MEF2A: variants seen among roughly 807,000 people sequenced by gnomAD.
The protein encoded by MEF2A is myocyte enhancer factor 2A, also known as myocyte-specific enhancer factor 2A.
In MEF2A, 28 loss-of-function variants were observed where a neutral mutation model predicts 55.8. That is an observed-to-expected ratio of 0.50 (90% CI 0.37 to 0.69). MEF2A has a LOEUF of 0.69. MEF2A is among the 30% of genes least tolerant of loss of function. The pLI is 0.00. For missense variants in MEF2A, 528 were observed against 626.2 expected (o/e 0.84, Z 1.67); for synonymous variants, 239 against 227.1 (o/e 1.05, Z -0.47).
chr15:99,590,983 T>A (rs1476644418), intron 1 of MEF2A, among the ~76,000 whole-genome samples: 1 of 152,198 alleles, frequency 6.6e-6, no homozygotes, highest in Non-Finnish European at 1.5e-5. Context: ...AGAGCAGTTT[T>A]AGCTTTACAG....
chr15:99,602,695 T>TGTGTGTGTGTAGGGGTGGG (rs1973622445), intron 2 of MEF2A, among the ~76,000 whole-genome samples: 2 of 89,688 alleles, frequency 2.2e-5, no homozygotes, highest in Non-Finnish European at 4.2e-5. Context: ...TGTGTGTGTG[T>TGTGTGTGTGTAGGGGTGGG]GTGTAGGGGT....
intron 2 of MEF2A, among the ~76,000 whole-genome samples, chr15:99,605,498 A>G (rs1486488801): frequency 6.6e-6 from 1 of 152,210 alleles, no homozygotes; most frequent in Non-Finnish European, 1.5e-5. Flanking sequence ...CAAGCTACCA[A>G]CAATGTTGAA....
intron 4 of MEF2A, among the ~76,000 whole-genome samples, chr15:99,663,907 T>C (rs991668826): frequency 1.3e-5 from 2 of 152,316 alleles, no homozygotes; most frequent in African/African-American, 4.8e-5. Context: ...GAGAGGCAGA[T>C]GTACAGGGTC....
At chr15:99,688,442 T>C (rs898845105) in intron 7 of MEF2A, among the ~76,000 whole-genome samples, 6 of 152,176 alleles carry the variant, frequency 3.9e-5, no homozygotes, top group Non-Finnish European at 8.8e-5. Flanking sequence ...ATTCTGGCCT[T>C]CTTCTGAGTC....
intron 8 of MEF2A, among the ~76,000 whole-genome samples, chr15:99,694,052 A>G (rs141344819): frequency 6.6e-6 from 1 of 152,292 alleles, no homozygotes; most frequent in East Asian, 1.9e-4. Flanking sequence ...CTTATTTTTA[A>G]CCTTGTGTCT....
chr15:99,698,505 C>T (rs539227180), intron 8 of MEF2A, among the ~76,000 whole-genome samples: 3 of 151,952 alleles, frequency 2.0e-5, no homozygotes, highest in Admixed American at 6.6e-5. Flanking sequence ...TTTAAGAAAA[C>T]GCAACGGCTG....
intron 9 of MEF2A, among the ~76,000 whole-genome samples, chr15:99,704,069 A>G (rs1481571455): frequency 2.6e-5 from 4 of 152,222 alleles, no homozygotes; most frequent in African/African-American, 9.6e-5. Flanking sequence ...ACTAAAACCA[A>G]AACCTCACAG....
intron 2 of MEF2A, among the ~76,000 whole-genome samples, chr15:99,610,866 A>G (rs1333920421): frequency 6.6e-6 from 1 of 152,250 alleles, no homozygotes. Flanking sequence ...TAGAAATAAC[A>G]TCAGAAGTAG....
intron 7 of MEF2A, among the ~76,000 whole-genome samples, chr15:99,679,690 CG>C (rs1168764393): frequency 1.3e-5 from 2 of 152,200 alleles, no homozygotes; most frequent in Admixed American, 1.3e-4. Flanking sequence ...ATGGTGGTTA[CG>C]TGGATCTTCA....
chr15:99,698,101 C>T (rs548447063), intron 8 of MEF2A, among the ~76,000 whole-genome samples: 19 of 152,000 alleles, frequency 1.3e-4, no homozygotes, highest in Non-Finnish European at 2.5e-4. Context: ...ATTATAGACC[C>T]AAATTTAAAA....
chr15:99,712,911 G>A lies in MEF2A; in HGVS notation c.*140G>A. The A allele has an allele frequency of 1.1e-6, 1 of 940,842 alleles. No homozygotes were observed. Among genetic ancestry groups the A allele is most frequent in the Admixed American group, 3.2e-5 (1 of 31,004 alleles). 58.3% of individuals were successfully genotyped at this position (940,842 alleles called of 1,614,324 possible). A position where few individuals can be genotyped will look rare whatever the true frequency, so the allele number is the denominator to read the frequency against. On this transcript the variant is annotated 3_prime_UTR_variant, in exon 12 of 12. Transcript: ENST00000557942. The surrounding 1 kb of genome is among the most constrained non-coding windows in gnomAD (Gnocchi z 4.1). ...TCCCTTTACATATATATGTATGTGG[G>A]TGTGAGTGTGTATGTGTGGGTGTGT...
chr15:99,636,977 A>G (rs1056925399), intron 3 of MEF2A, among the ~76,000 whole-genome samples: 1 of 152,180 alleles, frequency 6.6e-6, no homozygotes, highest in Non-Finnish European at 1.5e-5. Flanking sequence ...GGTTGCCTTT[A>G]TCATGAGTCG....
chr15:99,616,833 G>T (rs1054938313), intron 2 of MEF2A, among the ~76,000 whole-genome samples: 6 of 152,122 alleles, frequency 3.9e-5, no homozygotes, highest in African/African-American at 1.4e-4. Flanking sequence ...TGGCCATGGG[G>T]CTTGTTATTA....
At chr15:99,693,186 C>T (rs1040083421) in intron 8 of MEF2A, among the ~76,000 whole-genome samples, 2 of 152,112 alleles carry the variant, frequency 1.3e-5, no homozygotes, top group African/African-American at 4.8e-5. Context: ...GAGGGAAAAA[C>T]CTGTAGGTCT....
intron 4 of MEF2A, among the ~76,000 whole-genome samples, chr15:99,663,697 C>T (rs1596952407): frequency 1.3e-5 from 2 of 151,804 alleles, no homozygotes; most frequent in East Asian, 3.9e-4. Flanking sequence ...AATGAGTTGC[C>T]CTGCCTAATT....
At chr15:99,624,014 C>G (rs2041681123) in intron 2 of MEF2A, among the ~76,000 whole-genome samples, 1 of 152,108 alleles carries the variant, frequency 6.6e-6, no homozygotes, top group African/African-American at 2.4e-5. Context: ...CTATGTTGGT[C>G]AGTCTGATCT....
At chr15:99,654,577 AAAAAG>A (rs909049960) in intron 4 of MEF2A, among the ~76,000 whole-genome samples, 1 of 139,520 alleles carries the variant, frequency 7.2e-6, no homozygotes, top group African/African-American at 2.8e-5. Flanking sequence ...TAAATTAAAA[AAAAAG>A]GGGGGGGTAT....
At chr15:99,592,868 A>G (rs1287694945) in intron 1 of MEF2A, among the ~76,000 whole-genome samples, 1 of 152,156 alleles carries the variant, frequency 6.6e-6, no homozygotes, top group Non-Finnish European at 1.5e-5. Flanking sequence ...TCAACATGAG[A>G]TATGGGTGGG....
At chr15:99,679,482 A>G (rs1334132139) in intron 7 of MEF2A, among the ~76,000 whole-genome samples, 1 of 152,238 alleles carries the variant, frequency 6.6e-6, no homozygotes, top group Non-Finnish European at 1.5e-5. Context: ...TTCTAACTAT[A>G]TAAAGTTTGA....
Sources: allele counts gnomAD v4.1 joint callset (sites outside exome capture counted in the v4.1 genomes callset), GRCh38; gene constraint gnomAD v4.1.1; non-coding constraint Gnocchi (gnomAD v3.1); transcripts MANE v1.5; gene names NCBI Gene and HGNC (gene_info 2026-07-23, HGNC 2026-07-21).